Variants in RYR3 observed in about 807,000 individuals in gnomAD.
RYR3 encodes brain ryanodine receptor-calcium release channel.
In RYR3, 207 loss-of-function variants were observed where a neutral mutation model predicts 584.3. That is an observed-to-expected ratio of 0.35 (90% confidence interval 0.32 to 0.40). RYR3 has a LOEUF of 0.40. Among genes scored for constraint, RYR3 ranks in the 10% least tolerant of loss-of-function variants. The probability of loss-of-function intolerance (pLI) is 1.00; values close to 1 mark genes in which losing one functional copy is unlikely to be tolerated. For synonymous variants in RYR3, 2,416 were observed against 2,248.5 expected, an observed-to-expected ratio of 1.07 and a Z score of -2.11; for missense variants, 5,616 against 6,089.2, an observed-to-expected ratio of 0.92 and a Z score of 2.59.
chr15:33,521,469 A>C (rs931844575), intron 3 of RYR3, among the ~76,000 whole-genome samples: 5 of 152,170 alleles, frequency 3.3e-5, no homozygotes, highest in African/African-American at 1.2e-4. Flanking sequence ...GGTTAGCTGG[A>C]TTCAGTAAAT....
chr15:33,354,064 A>G (rs1224682768), intron 1 of RYR3, among the ~76,000 whole-genome samples: 1 of 152,172 alleles, frequency 6.6e-6, no homozygotes, highest in African/African-American at 2.4e-5. Flanking sequence ...TTCTTTGACA[A>G]GTGGTTTGGG....
At position 33,561,580 on chromosome 15, in the gene RYR3, A is replaced by T. The variant is rs992269077; in HGVS notation, c.973-1257A>T. Among the ~76,000 whole-genome samples the T allele has an allele frequency of 7.2e-5, 11 of 152,300 alleles. No homozygotes were observed. The South Asian group carries it at 2.3e-3, about 32-fold the overall frequency. ...CTTAGAACATTGTACTGAGCATGGT[A>T]ATGACGCAATACATATGCTGCTATT... On this transcript the variant is annotated intron_variant, in intron 10 of 103. Transcript: ENST00000634891.
chr15:33,769,955 T>A (rs2339340), intron 62 of RYR3, among the ~76,000 whole-genome samples: 26,544 of 151,490 alleles, frequency 0.18, 2,538 homozygotes, highest in South Asian at 0.28. Flanking sequence ...TCTTAAAAAA[T>A]ATATATAAAT....
intron 36 of RYR3, 30 bp downstream of exon 36, chr15:33,663,767 T>A (rs1249396526): frequency 6.4e-7 from 1 of 1,564,400 alleles, no homozygotes; most frequent in Admixed American, 1.9e-5. Flanking sequence ...CTCTGTCCAG[T>A]TCCTATGGAA....
At chr15:33,637,449 G>C (rs375962807) in intron 27 of RYR3, among the ~76,000 whole-genome samples, 13 of 152,354 alleles carry the variant, frequency 8.5e-5, no homozygotes, top group Admixed American at 8.5e-4. Flanking sequence ...GGACGAGAAG[G>C]GGGCTGTGCT....
chr15:33,400,221 A>G (rs2042561477), intron 1 of RYR3, among the ~76,000 whole-genome samples: 1 of 152,192 alleles, frequency 6.6e-6, no homozygotes, highest in South Asian at 2.1e-4. Flanking sequence ...TGGTCACCAT[A>G]TGTAAACTGG....
Position 33,752,684 on chromosome 15 carries a change from A to G in RYR3, c.8400-2381A>G, listed in dbSNP as rs552867865. Among the ~76,000 whole-genome samples, 148 of 152,318 alleles carry G rather than the reference A, an allele frequency of 9.7e-4. 2 individuals are homozygous for G. In the South Asian group the frequency reaches 0.03, roughly 31 times the overall value. ...AATCATGTCATCTGCAAACAGAGACAATTTGACTTCCTCTTTTCCTAATTG... is the reference window on the plus strand; with the variant it reads ...AATCATGTCATCTGCAAACAGAGACGATTTGACTTCCTCTTTTCCTAATTG... On this transcript the variant is annotated intron_variant, in intron 57 of 103. Transcript: ENST00000634891.
intron 1 of RYR3, among the ~76,000 whole-genome samples, chr15:33,386,857 T>A (rs1012587001): frequency 6.6e-6 from 1 of 152,158 alleles, no homozygotes; most frequent in Non-Finnish European, 1.5e-5. Context: ...TTCCTTTTTT[T>A]TTATTTTTTA....
At chr15:33,447,122 T>C (rs907957248) in intron 1 of RYR3, among the ~76,000 whole-genome samples, 9 of 152,228 alleles carry the variant, frequency 5.9e-5, no homozygotes, top group African/African-American at 2.2e-4. Context: ...GTAGTATAAG[T>C]GCTTAGTAAA....
chr15:33,825,850 A>G (rs2077354063), intron 82 of RYR3, 174 bp downstream of exon 82: 5 of 542,932 alleles, frequency 9.2e-6, no homozygotes, highest in Admixed American at 3.5e-5. Flanking sequence ...CTCCTGCCTC[A>G]TCCTCCCGAG....
intron 1 of RYR3, among the ~76,000 whole-genome samples, chr15:33,447,758 A>G (rs2046793312): frequency 1.3e-5 from 2 of 152,230 alleles, no homozygotes; most frequent in Non-Finnish European, 1.5e-5. Context: ...GCCACAGAGT[A>G]CGGACCATTT....
chr15:33,621,952 CTT>C (rs2060746718), intron 19 of RYR3, among the ~76,000 whole-genome samples: 1 of 152,098 alleles, frequency 6.6e-6, no homozygotes, highest in African/African-American at 2.4e-5. Flanking sequence ...CAAATCATAA[CTT>C]TTCTCCGTTT....
intron 1 of RYR3, among the ~76,000 whole-genome samples, chr15:33,470,201 C>T (rs1163250706): frequency 6.6e-6 from 1 of 152,090 alleles, no homozygotes; most frequent in Non-Finnish European, 1.5e-5. Context: ...GTCTTAGTGT[C>T]CCCCCAGCCC....
At chr15:33,618,765 G>A (rs1343395434) in intron 19 of RYR3, among the ~76,000 whole-genome samples, 1 of 152,152 alleles carries the variant, frequency 6.6e-6, no homozygotes, top group African/African-American at 2.4e-5. Context: ...AGCAAGCTCT[G>A]AATAATAATA....
chr15:33,507,130 G>C (rs578148154), intron 3 of RYR3, among the ~76,000 whole-genome samples: 1 of 152,314 alleles, frequency 6.6e-6, no homozygotes, highest in South Asian at 2.1e-4. Flanking sequence ...TCTGTTCACT[G>C]CTGTGTAGCT....
At position 33,854,860 on chromosome 15, in the gene RYR3, G is replaced by C. The variant is rs766735944; in HGVS notation, c.13955G>C (p.Gly4652Ala). 3 of 1,613,668 alleles carry C rather than the reference G, an allele frequency of 1.9e-6. No homozygotes were observed. The highest frequency in any genetic ancestry group is 1.1e-5 in the South Asian group (1 of 91,030). The stretch of plus-strand genomic sequence containing the variant: ...GCTCACCTATTGGACATCGCAATGG[G>C]CTTCAAGACACTGAGGACCATTCTG... The part of the protein sequence containing the change: ...FAAHLLDIAM[G>A]FKTLRTILSS... The change falls in exon 98 of 104, where the codon GGC (glycine) becomes GCC (alanine). Residue 4652 changes from glycine to alanine, a missense_variant. Physicochemically the swap from Gly to Ala is moderately conservative, Grantham distance 60 (BLOSUM62 0). Around this residue, in one of 9 missense-constraint regions of RYR3, gnomAD observed 918 missense variants for 887.4 expected, o/e 1.03. Transcript: ENST00000634891.
At chr15:33,757,190 CCTAT>C (rs1483069491) in intron 59 of RYR3, among the ~76,000 whole-genome samples, 1 of 152,154 alleles carries the variant, frequency 6.6e-6, no homozygotes, top group Non-Finnish European at 1.5e-5. Flanking sequence ...CCCAAGAAGC[CCTAT>C]CTGAGTGCAG....
intron 46 of RYR3, among the ~76,000 whole-genome samples, chr15:33,726,997 C>T (rs1287465024): frequency 6.6e-6 from 1 of 152,230 alleles, no homozygotes; most frequent in African/African-American, 2.4e-5. Context: ...TACAGACAGA[C>T]CTTGCTGTCC....
In RYR3 at chr15:33,854,469, A is replaced by G. The variant is rs759617959; in HGVS notation, c.13860+20A>G. ...GACAACGTAAGTACTGCACCTGGAA[A>G]AACAAAATTCTATACCCCAGTTCAG... On this transcript the variant is annotated intron_variant, in intron 97 of 103. Transcript: ENST00000634891. The G allele has an allele frequency of 2.6e-6, 4 of 1,548,650 alleles. No homozygotes were observed. In the African/African-American group the frequency reaches 5.5e-5, roughly 21 times the overall value.
Sources: gnomAD v4.1 joint callset for allele counts (sites outside exome capture counted in the v4.1 genomes callset) on GRCh38, gnomAD v4.1.1 for gene constraint, gnomAD v4.1.1 regional missense constraint, MANE v1.5 for transcripts, NCBI Gene and HGNC (gene_info 2026-07-23, HGNC 2026-07-21) for gene names.